Variants in PICALM observed in about 807,000 individuals in gnomAD.
PICALM encodes the protein phosphatidylinositol binding clathrin assembly protein.
PICALM carries 40 observed loss-of-function variants against 80.5 expected under a neutral mutation model. That is an observed-to-expected ratio of 0.50 (90% confidence interval 0.39 to 0.65). The LOEUF is 0.65. PICALM is among the 30% of genes least tolerant of loss of function. The probability of loss-of-function intolerance (pLI) is 0.00; values close to 1 mark genes in which losing one functional copy is unlikely to be tolerated. For missense variants in PICALM, 676 were observed against 778.9 expected (o/e 0.87, Z 1.57); for synonymous variants, 288 against 260.3 (o/e 1.11, Z -1.02).
At chr11:85,978,838 C>T (rs1239115879) in intron 17 of PICALM, 1 of 151,882 alleles carries the variant, frequency 6.6e-6, no homozygotes, top group African/African-American at 2.4e-5. Context: ...TAGATTAATA[C>T]TAACTTAATA....
At chr11:85,968,228 C>A (rs2093972249) in intron 19 of PICALM, among the ~76,000 whole-genome samples, 1 of 152,066 alleles carries the variant, frequency 6.6e-6, no homozygotes, top group Admixed American at 6.6e-5. Context: ...GAGGCTGAGG[C>A]TACAGTGAGC....
At chr11:86,063,391 A>C (rs1337948122) in intron 1 of PICALM, among the ~76,000 whole-genome samples, 3 of 152,228 alleles carry the variant, frequency 2.0e-5, no homozygotes, top group Non-Finnish European at 4.4e-5. Flanking sequence ...ATAGATGCCC[A>C]AAGTCTTATA....
rs184544565 is a variant in PICALM at position 85,971,464 on chromosome 11, G to A, written c.1944+3244C>T. On this transcript the variant is annotated intron_variant, in intron 19 of 19. Coordinates refer to ENST00000393346, the MANE Select transcript of PICALM (RefSeq NM_007166.4). ...TTAAGAGCAGATGCTGGGTGGGTACGGTGGCTCATACCTGTAATCCCAGCA... is the reference window on the plus strand; with the variant it reads ...TTAAGAGCAGATGCTGGGTGGGTACAGTGGCTCATACCTGTAATCCCAGCA... Among the ~76,000 whole-genome samples the A allele has an allele frequency of 2.1e-3, 312 of 150,638 alleles. 2 individuals carry two copies. The highest frequency in any genetic ancestry group is 3.2e-3 in the Non-Finnish European group (214 of 67,632).
chr11:85,975,946 T>G (rs575198950), intron 18 of PICALM, among the ~76,000 whole-genome samples: 3 of 152,258 alleles, frequency 2.0e-5, no homozygotes, highest in African/African-American at 7.2e-5. Context: ...GTGAAACTTC[T>G]CCACATGTAT....
At chr11:86,031,223 T>C (rs2095746352) in intron 2 of PICALM, among the ~76,000 whole-genome samples, 1 of 152,242 alleles carries the variant, frequency 6.6e-6, no homozygotes, top group African/African-American at 2.4e-5. Context: ...GGGATGCTTA[T>C]GGAACCCATT....
chr11:85,960,440 CTG>C (rs1485448564), intron 19 of PICALM, among the ~76,000 whole-genome samples: 2 of 152,192 alleles, frequency 1.3e-5, no homozygotes, highest in Admixed American at 1.3e-4. Flanking sequence ...CATCCATTTA[CTG>C]TGAGCAGTGG....
chr11:86,026,977 C>T (rs1405097023), intron 2 of PICALM, among the ~76,000 whole-genome samples: 1 of 152,202 alleles, frequency 6.6e-6, no homozygotes, highest in Non-Finnish European at 1.5e-5. Flanking sequence ...TATCTATAAA[C>T]TATCCAAGTG....
chr11:85,979,090 G>C (rs1219372158), intron 17 of PICALM, among the ~76,000 whole-genome samples: 1 of 152,120 alleles, frequency 6.6e-6, no homozygotes, highest in African/African-American at 2.4e-5. Context: ...CTTTAGAAGT[G>C]GGGTGATACA....
At chr11:86,040,149 T>A (rs1157854748) in intron 1 of PICALM, among the ~76,000 whole-genome samples, 1 of 151,598 alleles carries the variant, frequency 6.6e-6, no homozygotes, top group African/African-American at 2.4e-5. Flanking sequence ...TGTGAAAAAA[T>A]TTCTAATGTA....
upstream of PICALM, chr11:86,069,751 G>A (rs1392488138): frequency 6.6e-6 from 1 of 152,196 alleles, no homozygotes; most frequent in African/African-American, 2.4e-5. Context: ...CTTTCCTTGA[G>A]AGGCTTGGAA....
rs71040205 is a variant in PICALM, at chr11:86,028,838, C to CT, written c.274-2472dup. On this transcript the variant is annotated intron_variant, in intron 2 of 19. Coordinates refer to ENST00000393346, the MANE Select transcript of PICALM (RefSeq NM_007166.4). The stretch of plus-strand genomic sequence containing the variant: ...TCTGTGCATTACTGTTTTTAATTTT[C>CT]TTTTTTTTTTTTTTTTGAGATGGAG... Among the ~76,000 whole-genome samples, 644 of 126,330 alleles carry CT rather than the reference C, an allele frequency of 5.1e-3. 4 individuals are homozygous for CT. Among genetic ancestry groups the CT allele is most frequent in the African/African-American group, 0.014 (484 of 33,402 alleles). 82.9% of individuals were successfully genotyped at this position (126,330 alleles called of 152,430 possible).
At chr11:86,051,409 C>A (rs1007214699) in intron 1 of PICALM, among the ~76,000 whole-genome samples, 2 of 152,072 alleles carry the variant, frequency 1.3e-5, no homozygotes, top group Non-Finnish European at 2.9e-5. Context: ...TCCTGTAATC[C>A]CAGCACTTTG....
intron 2 of PICALM, among the ~76,000 whole-genome samples, chr11:86,031,213 G>C (rs1390628580): frequency 6.6e-6 from 1 of 152,172 alleles, no homozygotes; most frequent in East Asian, 1.9e-4. Context: ...GCAAAAACCA[G>C]GGATGCTTAT....
intron 13 of PICALM, among the ~76,000 whole-genome samples, chr11:85,986,403 A>T (rs1379537770): frequency 1.9e-4 from 7 of 37,192 alleles, no homozygotes; most frequent in African/African-American, 5.6e-4. Flanking sequence ...TTTTTTTTTG[A>T]GACGGAGTCT....
intron 1 of PICALM, among the ~76,000 whole-genome samples, chr11:86,045,576 C>T (rs1565538339): frequency 6.8e-6 from 1 of 146,978 alleles, no homozygotes. Context: ...CACCTATTTC[C>T]TATTTCTCAG....
chr11:86,069,111 C>G (rs2096486978), upstream of PICALM: 1 of 277,892 alleles, frequency 3.6e-6, no homozygotes, highest in Admixed American at 5.1e-5. Context: ...TCGGAGCTTT[C>G]CGGGCTGCCC....
In PICALM at chr11:86,068,730, G is replaced by A. The variant is rs1197919210; in HGVS notation, c.51C>T (p.Val17=). 4 of 1,612,886 alleles carry A rather than the reference G, an allele frequency of 2.5e-6. No homozygotes were observed. Among genetic ancestry groups the A allele is most frequent in the East Asian group, 2.2e-5 (1 of 44,864 alleles). Reference sequence around the variant, plus strand: ...CTGTCTTGGATACGGCAGAGCCGGTGACACTGTGCTGGGCGGCAGTGATTC... The same window carrying A: ...CTGTCTTGGATACGGCAGAGCCGGTAACACTGTGCTGGGCGGCAGTGATTC... ...TDRITAAQHS[V]TGSAVSKTVC... is the part of the protein sequence containing the mutation. The change falls in exon 1 of 20, where the codon GTC becomes GTT. Residue 17 remains valine (V), a synonymous_variant. Transcript: ENST00000393346.
chr11:85,974,899 G>A, intron 18 of PICALM, 87 bp from the exon 19 acceptor site: 1 of 900,614 alleles, frequency 1.1e-6, no homozygotes, highest in Admixed American at 1.8e-5. Flanking sequence ...GGGATGACAG[G>A]TCCTAGTACC....
At chr11:85,988,120 TG>T (rs1234402240) in intron 13 of PICALM, among the ~76,000 whole-genome samples, 5 of 152,216 alleles carry the variant, frequency 3.3e-5, no homozygotes. Flanking sequence ...ATAACTACTA[TG>T]CACACAGAAA....
Sources: gnomAD v4.1 joint callset for allele counts (sites outside exome capture counted in the v4.1 genomes callset) on GRCh38, gnomAD v4.1.1 for gene constraint, MANE v1.5 for transcripts, NCBI Gene and HGNC (gene_info 2026-07-23, HGNC 2026-07-21) for gene names.